Variants in SGCZ observed in about 807,000 individuals in gnomAD.
The protein encoded by SGCZ is zeta-sarcoglycan.
In SGCZ, 40 loss-of-function variants were observed where a neutral mutation model predicts 41.3. The observed-to-expected ratio is 0.97, with a 90% CI of 0.75 to 1.26. The LOEUF (loss-of-function observed/expected upper bound fraction) is 1.26, where lower values mean the gene tolerates loss of function less well. Ranked by LOEUF, SGCZ falls within the 50% of genes most tolerant of loss-of-function variation. SGCZ has a pLI of 0.00. For synonymous variants in SGCZ, 206 were observed against 137.5 expected (o/e 1.50, Z -3.49); for missense variants, 552 against 369.8 (o/e 1.49, Z -4.04).
chr8:14,347,285 T>C (rs1471164181), intron 2 of SGCZ, among the ~76,000 whole-genome samples: 1 of 152,124 alleles, frequency 6.6e-6, no homozygotes, highest in East Asian at 1.9e-4. Flanking sequence ...AGAACTTCAG[T>C]GCAATGTCTG....
chr8:14,150,370 A>G (rs1036093598), intron 5 of SGCZ, among the ~76,000 whole-genome samples: 1 of 152,106 alleles, frequency 6.6e-6, no homozygotes, highest in Non-Finnish European at 1.5e-5. Context: ...AATGGGCAAA[A>G]GAATAGATAT....
chr8:15,228,909 G>C (rs1393156392), intron 1 of SGCZ, among the ~76,000 whole-genome samples: 1 of 152,110 alleles, frequency 6.6e-6, no homozygotes, highest in Non-Finnish European at 1.5e-5. Context: ...TTTGAAAAAT[G>C]CAGGCTGGGC....
intron 1 of SGCZ, among the ~76,000 whole-genome samples, chr8:14,868,113 G>A (rs772450421): frequency 6.6e-6 from 1 of 152,178 alleles, no homozygotes; most frequent in East Asian, 1.9e-4. Context: ...CTCTGCGTTC[G>A]CTGTTCTCAT....
At chr8:15,195,953 A>T (rs1484528112) in intron 1 of SGCZ, among the ~76,000 whole-genome samples, 2 of 122,286 alleles carry the variant, frequency 1.6e-5, no homozygotes, top group East Asian at 2.4e-4. Context: ...GCTGGAGTGC[A>T]GTGGCGCGAT....
At chr8:14,401,404 A>G (rs145935337) in intron 2 of SGCZ, among the ~76,000 whole-genome samples, 4,892 of 147,708 alleles carry the variant, frequency 0.033, 309 homozygotes, top group African/African-American at 0.12. Context: ...GTCATCTAGC[A>G]TTAGGTATAT....
chr8:14,616,636 A>G (rs1168612048), intron 1 of SGCZ, among the ~76,000 whole-genome samples: 1 of 152,166 alleles, frequency 6.6e-6, no homozygotes, highest in Non-Finnish European at 1.5e-5. Flanking sequence ...GAATTCAGGC[A>G]CTGAGCTTAT....
chr8:14,663,545 A>G (rs1175689782), intron 1 of SGCZ, among the ~76,000 whole-genome samples: 2 of 152,188 alleles, frequency 1.3e-5, no homozygotes, highest in Non-Finnish European at 2.9e-5. Flanking sequence ...GTAAATGAAA[A>G]TAATAAGGGT....
chr8:14,729,273 G>C (rs1395423912), intron 1 of SGCZ, among the ~76,000 whole-genome samples: 1 of 151,984 alleles, frequency 6.6e-6, no homozygotes, highest in Admixed American at 6.6e-5. Flanking sequence ...CCAAAGCCTT[G>C]GCTGATCCAC....
intron 5 of SGCZ, among the ~76,000 whole-genome samples, chr8:14,110,299 CTATTTCA>C (rs1465562704): frequency 6.6e-6 from 1 of 152,030 alleles, no homozygotes; most frequent in Non-Finnish European, 1.5e-5. Flanking sequence ...ACATGGATAA[CTATTTCA>C]TGATTATGAA....
At chr8:14,663,161 A>C (rs1807809066) in intron 1 of SGCZ, among the ~76,000 whole-genome samples, 1 of 152,180 alleles carries the variant, frequency 6.6e-6, no homozygotes, top group African/African-American at 2.4e-5. Context: ...GGAACAATAG[A>C]AAAACTAATG....
chr8:14,619,535 G>T (rs920291859), intron 1 of SGCZ, among the ~76,000 whole-genome samples: 1 of 152,126 alleles, frequency 6.6e-6, no homozygotes, highest in Non-Finnish European at 1.5e-5. Context: ...TGTATATCTA[G>T]AAAACCCCAC....
intron 2 of SGCZ, among the ~76,000 whole-genome samples, chr8:14,427,829 T>G (rs1302965627): frequency 1.3e-5 from 2 of 152,094 alleles, no homozygotes; most frequent in Non-Finnish European, 2.9e-5. Flanking sequence ...TACTCATGGG[T>G]TCAGCAGATT....
chr8:14,164,885 T>A lies in SGCZ; in HGVS notation c.425-183A>T, dbSNP rs550115871. On this transcript the variant is annotated intron_variant, in intron 4 of 7. Transcript: ENST00000382080. ...TCAGGAGGCTAATTTGGGAATGTAC[T>A]TCTGTGCTAGGCTGGTTAGGCATAC... 5.7e-5 allele frequency: 42 copies of A among 731,972 alleles called. No homozygotes were observed. The African/African-American group carries it at 7.3e-4, about 13-fold the overall frequency. 45.3% of individuals were successfully genotyped at this position (731,972 alleles called of 1,614,324 possible).
chr8:14,937,754 T>C (rs1345091637), intron 1 of SGCZ, among the ~76,000 whole-genome samples: 2 of 152,108 alleles, frequency 1.3e-5, no homozygotes, highest in African/African-American at 2.4e-5. Flanking sequence ...AAATACATAT[T>C]TTTTTCTCAG....
At chr8:14,765,778 G>A (rs572872055) in intron 1 of SGCZ, among the ~76,000 whole-genome samples, 2 of 152,228 alleles carry the variant, frequency 1.3e-5, no homozygotes, top group East Asian at 1.9e-4. Flanking sequence ...CATCAAATGC[G>A]TGTGCGCAGA....
At chr8:14,614,783 C>T (rs1480278879) in intron 1 of SGCZ, among the ~76,000 whole-genome samples, 4 of 152,018 alleles carry the variant, frequency 2.6e-5, no homozygotes, top group African/African-American at 4.8e-5. Context: ...GTGGGGGATA[C>T]ATTTGAAGCC....
chr8:14,793,923 C>T (rs1801040392), intron 1 of SGCZ, among the ~76,000 whole-genome samples: 1 of 152,146 alleles, frequency 6.6e-6, no homozygotes. Flanking sequence ...CTAAAACTCT[C>T]AGTCTGGTTC....
chr8:14,300,269 G>A (rs1263861657), intron 3 of SGCZ, among the ~76,000 whole-genome samples: 9 of 150,654 alleles, frequency 6.0e-5, no homozygotes, highest in Admixed American at 5.3e-4. Context: ...GAAAAAAGAA[G>A]GAAGGAAGGC....
chr8:14,458,151 G>C (rs1800803179), intron 2 of SGCZ, among the ~76,000 whole-genome samples: 1 of 152,068 alleles, frequency 6.6e-6, no homozygotes, highest in African/African-American at 2.4e-5. Flanking sequence ...TATATTACTG[G>C]TTCACATACT....
Sources: gnomAD v4.1 joint callset for allele counts (sites outside exome capture counted in the v4.1 genomes callset) on GRCh38, gnomAD v4.1.1 for gene constraint, MANE v1.5 for transcripts, NCBI Gene and HGNC (gene_info 2026-07-23, HGNC 2026-07-21) for gene names.